The following SYNPO2L variants were observed in gnomAD, a reference collection of about 807,000 sequenced individuals.
SYNPO2L encodes the protein synaptopodin 2 like.
Under a neutral mutation model 47.5 loss-of-function variants are expected in SYNPO2L, and 34 were observed. The ratio of observed to expected loss-of-function variants is 0.72; its 90% CI spans 0.54 to 0.95. The LOEUF is 0.95. Ranked by LOEUF, SYNPO2L falls within the 40% of genes least tolerant of loss-of-function variation. The probability of loss-of-function intolerance (pLI) is 0.00; values close to 1 mark genes in which losing one functional copy is unlikely to be tolerated. For missense variants in SYNPO2L, 1,246 were observed against 1,282.0 expected (o/e 0.97, Z 0.43); for synonymous variants, 536 against 524.9 (o/e 1.02, Z -0.29).
Position 73,649,807 on chromosome 10 carries a change from T to G in SYNPO2L, c.773-928A>C, listed in dbSNP as rs141134373. ...CCTCTGGGCTTCACACCCCTGCTAC[T>G]CACAGTCAGGGGTAGTCTCCATCCA... On this transcript the variant is annotated intron_variant, in intron 3 of 3. Transcript: ENST00000394810. 1.4e-4 allele frequency: 139 copies of G among 985,398 alleles called. No individual in the cohort carries two copies. The East Asian group carries it at 0.012, about 87-fold the overall frequency. 61.0% of individuals were successfully genotyped at this position (985,398 alleles called of 1,614,324 possible). A position where few individuals can be genotyped will look rare whatever the true frequency, so the allele number is the denominator to read the frequency against.
At position 73,648,347 on chromosome 10, in the gene SYNPO2L, G is replaced by C. The variant is rs763212288; in HGVS notation, c.1305C>G (p.Leu435=). 1 of 1,605,050 alleles carries C rather than the reference G, an allele frequency of 6.2e-7. No individual in the cohort carries two copies. Among genetic ancestry groups the C allele is most frequent in the Non-Finnish European group, 8.5e-7 (1 of 1,178,860 alleles). ...CAGGCGCCGGCAAGGGGCTGGGTGG[G>C]AGCACAGCTGCCTCTGGGGGAGCAC... ...AQSAPPEAAV[L]PPSPLPAPVA... Residue 435 remains leucine, a synonymous_variant, in exon 4 of 4, where the codon CTC becomes CTG. Transcript: ENST00000394810.
rs2081804804 is a variant in SYNPO2L, at chr10:73,648,555, G to A, written c.1097C>T (p.Ser366Leu). The A allele has an allele frequency of 6.2e-7, 1 of 1,614,034 alleles. No individual in the cohort carries two copies. Among genetic ancestry groups the A allele is most frequent in the Admixed American group, 1.7e-5 (1 of 60,006 alleles). ...AGAGCCCTGGCCCTCTGATGCTCTT[G>A]AGCCCGCCCTGGCAAGCTCCATGTC... ...YLDMELARAGSRASEGQGSGL... is the reference protein window; with the variant it reads ...YLDMELARAGLRASEGQGSGL... Residue 366 changes from serine to leucine, a missense_variant, in exon 4 of 4, where the codon TCA becomes TTA. By Grantham distance (145) the Ser-to-Leu change is moderately radical (BLOSUM62 -2). Coordinates refer to ENST00000394810, the MANE Select transcript of SYNPO2L (RefSeq NM_001114133.3).
At chr10:73,652,645 A>C (rs571513890) in intron 3 of SYNPO2L, among the ~76,000 whole-genome samples, 26 of 152,198 alleles carry the variant, frequency 1.7e-4, no homozygotes, top group Middle Eastern at 6.8e-3. Flanking sequence ...ATTCCAGCCT[A>C]GGCACAAGAG....
chr10:73,652,999 C>T, intron 3 of SYNPO2L, 140 bp downstream of exon 3: 2 of 1,032,696 alleles, frequency 1.9e-6, no homozygotes, highest in South Asian at 3.2e-5. Context: ...TAATTATGCT[C>T]CCCTTCTACT....
chr10:73,648,235 G>A lies in SYNPO2L; in HGVS notation c.1417C>T (p.Pro473Ser). 1 of 1,588,772 alleles carries A rather than the reference G, an allele frequency of 6.3e-7. No individual in the cohort carries two copies. Among genetic ancestry groups the A allele is most frequent in the Admixed American group, 1.7e-5 (1 of 59,190 alleles). Residue 473 changes from proline to serine, a missense_variant, in exon 4 of 4, where the codon CCG becomes TCG. This residue lies in a region of SYNPO2L where 1,037 missense variants were observed against 1,021.5 expected (regional missense o/e 1.02). Transcript: ENST00000394810. The stretch of plus-strand genomic sequence containing the variant: ...GTTGGCCGCTGCCCTTGTAGGCCCG[G>A]GGTAAAGGGCCTGGCTGACCGGTTA... The part of the protein sequence containing the change: ...IFNRSARPFT[P>S]GLQGQRPTTT...
chr10:73,651,052 C>A lies in SYNPO2L; in HGVS notation c.772+2087G>T, dbSNP rs1439044700. 5.7e-6 allele frequency: 9 copies of A among 1,567,668 alleles called. No homozygotes were observed. The South Asian group carries it at 7.1e-5, about 12-fold the overall frequency. On this transcript the variant is annotated intron_variant, in intron 3 of 3. Coordinates refer to ENST00000394810, the MANE Select transcript of SYNPO2L (RefSeq NM_001114133.3). ...GCTGGAGCAGGACCAGCTTGAGCCA[C>A]CCCCCACGCCTTTTAAAGCCCCTTT...
rs373379533 is a variant in SYNPO2L, at chr10:73,654,218, G to A, written c.168C>T (p.Ile56=). Residue 56 remains isoleucine (I), a synonymous_variant, in exon 2 of 4, where the codon ATC becomes ATT. Transcript: ENST00000394810. The stretch of plus-strand genomic sequence containing the variant: ...AGAGGTTGGTGCAAGAGACCCCATT[G>A]ATTGCCAAGAGCTGGTCCCTCTCTC... ...GLRERDQLLA[I]NGVSCTNLSH... 8.3e-5 allele frequency: 129 copies of A among 1,551,702 alleles called. No homozygotes were observed. The African/African-American group carries it at 1.2e-3, about 15-fold the overall frequency.
In SYNPO2L at chr10:73,654,454, A is replaced by G. The variant is rs147994193; in HGVS notation, c.106-174T>C. The G allele has an allele frequency of 1.4e-4, 96 of 706,392 alleles. No homozygotes were observed. In the African/African-American group the frequency reaches 1.6e-3, roughly 12 times the overall value. 43.8% of individuals were successfully genotyped at this position (706,392 alleles called of 1,614,324 possible). A position where few individuals can be genotyped will look rare whatever the true frequency, so the allele number is the denominator to read the frequency against. ...GGCCTGTCTAGAGGGAAGAAAGTAT[A>G]CAGACTGGAGAAAGAAATACATCAT... On this transcript the variant is annotated intron_variant, in intron 1 of 3. Transcript: ENST00000394810.
chr10:73,650,033 G>A, intron 3 of SYNPO2L: 1 of 985,422 alleles, frequency 1.0e-6, no homozygotes, highest in Non-Finnish European at 1.2e-6. Context: ...ATGTGCTAAA[G>A]GGAACCAGGG....
At chr10:73,650,998 A>C in intron 3 of SYNPO2L, 1 of 1,613,108 alleles carries the variant, frequency 6.2e-7, no homozygotes, top group South Asian at 1.1e-5. Context: ...ATGGGCTCAA[A>C]GGTCTCCATG....
chr10:73,651,093 C>A, intron 3 of SYNPO2L: 1 of 1,460,344 alleles, frequency 6.8e-7, no homozygotes, highest in Non-Finnish European at 9.1e-7. Flanking sequence ...GTCCCCAGAG[C>A]TGGCAGCTGA....
In SYNPO2L at chr10:73,646,553, A is replaced by G; in HGVS notation, c.*165T>C. The G allele has an allele frequency of 7.8e-7, 1 of 1,277,992 alleles. No individual in the cohort carries two copies. Among genetic ancestry groups the G allele is most frequent in the Non-Finnish European group, 9.9e-7 (1 of 1,011,838 alleles). The allele number at this position is 1,277,992 out of a possible 1,614,324, so 79.2% of individuals were successfully genotyped here. ...CTTGGTTGGAAAGCGGCAGGGAGGT[A>G]GAGAGTGAGGAGGAAGGTGGGGGAA... On this transcript the variant is annotated 3_prime_UTR_variant, in exon 4 of 4. Coordinates refer to ENST00000394810, the MANE Select transcript of SYNPO2L (RefSeq NM_001114133.3).
In SYNPO2L at chr10:73,647,989, G is replaced by A. The variant is rs1589452120; in HGVS notation, c.1663C>T (p.Pro555Ser). The stretch of plus-strand genomic sequence containing the variant: ...CCACCTGGGGTGACAGGCCGACTAG[G>A]GGCTGGGATGTACAGGGAGCTGGTG... ...TATSSLYIPA[P>S]SRPVTPGGAP... is the part of the protein sequence containing the mutation. Residue 555 changes from proline to serine, a missense_variant, in exon 4 of 4, where the codon CCT becomes TCT. Physicochemically the swap from Pro to Ser is moderately conservative, Grantham distance 74. Transcript: ENST00000394810. The A allele has an allele frequency of 2.6e-6, 4 of 1,563,224 alleles. No individual in the cohort carries two copies. The highest frequency in any genetic ancestry group is 3.5e-6 in the Non-Finnish European group (4 of 1,156,514).
intron 3 of SYNPO2L, chr10:73,650,595 A>G (rs2132421216): frequency 1.3e-6 from 1 of 751,694 alleles, no homozygotes; most frequent in Non-Finnish European, 1.6e-6. Context: ...TTCTTGATAT[A>G]TATGGATACT....
chr10:73,648,982 C>G (rs2081814310), intron 3 of SYNPO2L, 103 bp from the exon 4 acceptor site: 3 of 1,370,030 alleles, frequency 2.2e-6, no homozygotes, highest in Non-Finnish European at 2.8e-6. Flanking sequence ...CCCTCTTGCA[C>G]TGACCCGACC....
chr10:73,648,256 G>C lies in SYNPO2L; in HGVS notation c.1396C>G (p.Arg466Gly). The C allele has an allele frequency of 6.3e-7, 1 of 1,597,878 alleles. No homozygotes were observed. The highest frequency in any genetic ancestry group is 8.5e-7 in the Non-Finnish European group (1 of 1,176,704). Residue 466 changes from arginine (R) to glycine (G), a missense_variant, in exon 4 of 4, where the codon CGG becomes GGG. Transcript: ENST00000394810. ...APTPAPSIFN[R>G]SARPFTPGLQ... ...CCCGGGGTAAAGGGCCTGGCTGACC[G>C]GTTAAAGATGCTTGGAGCTGGGGTC... is the stretch of plus-strand genomic sequence containing the variant.
rs755136974 is a variant in SYNPO2L at position 73,655,917 on chromosome 10, A to T, written c.6T>A (p.Gly2=). 1 of 1,550,114 alleles carries T rather than the reference A, an allele frequency of 6.5e-7. No homozygotes were observed. Among genetic ancestry groups the T allele is most frequent in the Admixed American group, 2.0e-5 (1 of 50,812 alleles). ...GTGTGACCAGCACCTCCTCCTCAGC[A>T]CCCATCGCTCAGCTTGGCCTATGGC... M[G]AEEEVLVTLS... is the part of the protein sequence containing the mutation. The change falls in exon 1 of 4, where the codon GGT becomes GGA. Residue 2 remains glycine (G), a synonymous_variant. Transcript: ENST00000394810.
chr10:73,653,176 ATCT>A lies in SYNPO2L; in HGVS notation c.732_734del (p.Glu244del), dbSNP rs2081853986. The A allele has an allele frequency of 6.9e-7, 1 of 1,454,944 alleles. No individual in the cohort carries two copies. Among genetic ancestry groups the A allele is most frequent in the Non-Finnish European group, 9.1e-7 (1 of 1,099,022 alleles). The allele number at this position is 1,454,944 out of a possible 1,614,324, so 90.1% of individuals were successfully genotyped here. A position where few individuals can be genotyped will look rare whatever the true frequency, so the allele number is the denominator to read the frequency against. On this transcript the variant is annotated inframe_deletion, in exon 3 of 4. Coordinates refer to ENST00000394810, the MANE Select transcript of SYNPO2L (RefSeq NM_001114133.3). ...CCTTCTGGGTGTAGGTGGTAGTAAG[ATCT>A]TCTGCCACTGGGTGGGGAACAGGCC...
At chr10:73,653,850 G>T (rs1345135676) in intron 2 of SYNPO2L, among the ~76,000 whole-genome samples, 197 bp from the exon 3 acceptor site, 1 of 152,142 alleles carries the variant, frequency 6.6e-6, no homozygotes, top group Non-Finnish European at 1.5e-5. Context: ...TTGAAGGGCT[G>T]TGAGTGGAAA....
Sources: gnomAD v4.1 joint callset for allele counts (sites outside exome capture counted in the v4.1 genomes callset) on GRCh38, gnomAD v4.1.1 for gene constraint, gnomAD v4.1.1 regional missense constraint, MANE v1.5 for transcripts, NCBI Gene and HGNC (gene_info 2026-07-23, HGNC 2026-07-21) for gene names.